The following ANO10 variants were observed in gnomAD, a reference collection of about 807,000 sequenced individuals.
ANO10 encodes anoctamin 10.
In ANO10, 77 loss-of-function variants were observed where a neutral mutation model predicts 74.7. The observed-to-expected ratio is 1.03, with a 90% CI of 0.86 to 1.25. The LOEUF (loss-of-function observed/expected upper bound fraction) is 1.25. Among genes scored for constraint, ANO10 ranks in the 50% most tolerant of loss-of-function variants. The pLI, the probability that ANO10 is intolerant of heterozygous loss-of-function variation, is 0.00. For synonymous variants in ANO10, 279 were observed against 284.9 expected, an observed-to-expected ratio of 0.98 and a Z score of 0.21; for missense variants, 721 against 778.1, an observed-to-expected ratio of 0.93 and a Z score of 0.87.
chr3:43,474,518 T>C (rs1308951714), intron 11 of ANO10, among the ~76,000 whole-genome samples: 1 of 152,224 alleles, frequency 6.6e-6, no homozygotes, highest in Admixed American at 6.5e-5. Context: ...TTAAGAGACA[T>C]ATTCATTAAC....
chr3:43,475,983 TATC>T (rs1319311595), intron 11 of ANO10, among the ~76,000 whole-genome samples: 2 of 152,210 alleles, frequency 1.3e-5, no homozygotes, highest in African/African-American at 4.8e-5. Context: ...CTGGTGCCAT[TATC>T]ATAATTTTTC....
At chr3:43,408,133 C>T (rs1333214048) in intron 12 of ANO10, among the ~76,000 whole-genome samples, 2 of 152,026 alleles carry the variant, frequency 1.3e-5, no homozygotes, top group Non-Finnish European at 2.9e-5. Context: ...CCTAAGAAAG[C>T]CTCATTCAAA....
At chr3:43,622,560 T>C (rs2083443560), upstream of ANO10, among the ~76,000 whole-genome samples, 1 of 152,212 alleles carries the variant, frequency 6.6e-6, no homozygotes, top group African/African-American at 2.4e-5. Context: ...CGCAGATCCT[T>C]TTATAATTAA....
chr3:43,382,310 G>A (rs375108637), intron 12 of ANO10, among the ~76,000 whole-genome samples: 12 of 152,244 alleles, frequency 7.9e-5, no homozygotes, highest in African/African-American at 2.6e-4. Flanking sequence ...ACGAGGTCAG[G>A]AGATCGAGAC....
chr3:43,656,691 G>C (rs1053923550), intron 1 of ANO10, among the ~76,000 whole-genome samples: 1 of 152,222 alleles, frequency 6.6e-6, no homozygotes, highest in East Asian at 1.9e-4. Context: ...CTCATTGCCC[G>C]GGGCAGCAGG....
At chr3:43,543,342 G>C (rs926079473) in intron 11 of ANO10, among the ~76,000 whole-genome samples, 5 of 152,322 alleles carry the variant, frequency 3.3e-5, no homozygotes, top group Non-Finnish European at 1.5e-5. Context: ...TTCATTCTCA[G>C]AGGATACTTC....
intron 12 of ANO10, among the ~76,000 whole-genome samples, chr3:43,412,956 C>T (rs1054813165): frequency 1.3e-5 from 2 of 152,174 alleles, no homozygotes; most frequent in Non-Finnish European, 2.9e-5. Flanking sequence ...GAGGACAAGG[C>T]AGGAGAATCA....
At chr3:43,466,242 G>A (rs145815581) in intron 11 of ANO10, among the ~76,000 whole-genome samples, 1,670 of 151,542 alleles carry the variant, frequency 0.011, 27 homozygotes, top group African/African-American at 0.038. Flanking sequence ...GTGGTGGTGC[G>A]TGCCGGTAGT....
chr3:43,551,369 T>C (rs2079448939), intron 10 of ANO10: 1 of 354,642 alleles, frequency 2.8e-6, no homozygotes, highest in Admixed American at 3.6e-5. Flanking sequence ...AACTAAACTT[T>C]CAGGTTTTTT....
Position 43,577,121 on chromosome 3 carries a change from T to G in ANO10, c.733A>C (p.Ile245Leu). The G allele has an allele frequency of 6.2e-7, 1 of 1,614,082 alleles. No individual in the cohort carries two copies. Among genetic ancestry groups the G allele is most frequent in the South Asian group, 1.1e-5 (1 of 91,080 alleles). ...CAGATGAGGTTGAACGAGGCAAAGA[T>G]CACGTACTTGTCATAGTCTTCCCAC... ...FVWEDYDKYVIFASFNLIWST... is the reference protein window; with the variant it reads ...FVWEDYDKYVLFASFNLIWST... Residue 245 changes from isoleucine (I) to leucine (L), a missense_variant, in exon 6 of 13, where the codon ATC becomes CTC. By Grantham distance (5) the Ile-to-Leu change is conservative (BLOSUM62 2). Coordinates refer to ENST00000292246, the MANE Select transcript of ANO10 (RefSeq NM_018075.5).
At chr3:43,571,027 C>T (rs1357081559) in intron 7 of ANO10, among the ~76,000 whole-genome samples, 1 of 150,918 alleles carries the variant, frequency 6.6e-6, no homozygotes, top group African/African-American at 2.5e-5. Context: ...GGGCGAAGGA[C>T]ATGAACAGAT....
At chr3:43,548,957 TGTTTCACAATGA>T (rs897996349) in intron 11 of ANO10, among the ~76,000 whole-genome samples, 2 of 152,192 alleles carry the variant, frequency 1.3e-5, no homozygotes, top group Non-Finnish European at 2.9e-5. Flanking sequence ...AGTTTGAGAG[TGTTTCACAATGA>T]ATTTCACACC....
intron 1 of ANO10, among the ~76,000 whole-genome samples, chr3:43,612,303 C>G (rs965091298): frequency 6.6e-5 from 10 of 151,608 alleles, no homozygotes; most frequent in Admixed American, 6.6e-4. Flanking sequence ...CAATCTGTCT[C>G]TAGTTTTGTC....
At chr3:43,680,964 C>T (rs1053368932) in intron 1 of ANO10, among the ~76,000 whole-genome samples, 27 of 152,334 alleles carry the variant, frequency 1.8e-4, no homozygotes, top group African/African-American at 6.5e-4. Flanking sequence ...GTACCAGCCG[C>T]TGCAAAAACA....
chr3:43,399,955 C>T (rs981825314), intron 12 of ANO10, among the ~76,000 whole-genome samples: 3 of 152,108 alleles, frequency 2.0e-5, no homozygotes, highest in Non-Finnish European at 4.4e-5. Context: ...TGCTGGCCTG[C>T]TCCTGTTTCA....
chr3:43,456,191 C>T (rs1442144895), intron 11 of ANO10, among the ~76,000 whole-genome samples: 4 of 152,084 alleles, frequency 2.6e-5, no homozygotes, highest in Admixed American at 1.3e-4. Context: ...AGGAAAAGGA[C>T]GCTACAAAAA....
At chr3:43,618,422 A>G (rs546981633) in intron 1 of ANO10, among the ~76,000 whole-genome samples, 1 of 152,354 alleles carries the variant, frequency 6.6e-6, no homozygotes, top group East Asian at 1.9e-4. Context: ...ATCTACTCTC[A>G]TTACCCCAGA....
At chr3:43,689,905 G>GAC (rs1425631112) in intron 1 of ANO10, among the ~76,000 whole-genome samples, 3 of 152,166 alleles carry the variant, frequency 2.0e-5, no homozygotes, top group Non-Finnish European at 2.9e-5. Flanking sequence ...GCCCATAGTA[G>GAC]ACACACACCA....
At chr3:43,567,903 C>G (rs1341391086) in intron 7 of ANO10, among the ~76,000 whole-genome samples, 2 of 152,050 alleles carry the variant, frequency 1.3e-5, no homozygotes, top group Non-Finnish European at 2.9e-5. Flanking sequence ...TGGATAAAGA[C>G]TCAAGACCCA....
Sources: allele counts gnomAD v4.1 joint callset (sites outside exome capture counted in the v4.1 genomes callset), GRCh38; gene constraint gnomAD v4.1.1; transcripts MANE v1.5; gene names NCBI Gene and HGNC (gene_info 2026-07-23, HGNC 2026-07-21).